MIR2052HG: variants seen among roughly 807,000 people sequenced by gnomAD.
The protein encoded by MIR2052HG is MIR2052 host gene.
At chr8:74,753,317 G>C (rs1334986523) in intron 5 of MIR2052HG, among the ~76,000 whole-genome samples, 1 of 152,148 alleles carries the variant, frequency 6.6e-6, no homozygotes, top group Non-Finnish European at 1.5e-5. Flanking sequence ...AGTCTTTGTT[G>C]CTAATATGTT....
At chr8:74,716,048 A>T (rs1225666153) in intron 4 of MIR2052HG, among the ~76,000 whole-genome samples, 2 of 152,228 alleles carry the variant, frequency 1.3e-5, no homozygotes, top group Non-Finnish European at 2.9e-5. Flanking sequence ...AAGCTCTGGT[A>T]GGAGGACGGG....
exon 5 of MIR2052HG, chr8:74,752,510 A>G: frequency 2.2e-6 from 1 of 455,892 alleles, no homozygotes; most frequent in Non-Finnish European, 4.4e-6. Context: ...GGCTACCCAG[A>G]GTTCCTGAAG....
chr8:74,630,938 A>G (rs1176933912), intron 2 of MIR2052HG, among the ~76,000 whole-genome samples: 2 of 152,202 alleles, frequency 1.3e-5, no homozygotes, highest in African/African-American at 4.8e-5. Context: ...GCCCAGCTTC[A>G]TATATTTATT....
chr8:74,713,253 G>T (rs1338477108), intron 4 of MIR2052HG, among the ~76,000 whole-genome samples: 1 of 152,136 alleles, frequency 6.6e-6, no homozygotes, highest in East Asian at 1.9e-4. Flanking sequence ...TCTTGAATTT[G>T]TTCACTCTCT....
chr8:74,611,734 G>A (rs1808198923), intron 1 of MIR2052HG, among the ~76,000 whole-genome samples: 1 of 152,090 alleles, frequency 6.6e-6, no homozygotes, highest in South Asian at 2.1e-4. Context: ...TCATTTATCT[G>A]TTCCCTCAGC....
intron 2 of MIR2052HG, among the ~76,000 whole-genome samples, chr8:74,637,280 A>G (rs1000872738): frequency 3.9e-5 from 6 of 152,154 alleles, no homozygotes; most frequent in Admixed American, 2.0e-4. Context: ...TAGGGTGTAC[A>G]TGGAAAAGAG....
intron 2 of MIR2052HG, among the ~76,000 whole-genome samples, chr8:74,694,619 C>T (rs1405266890): frequency 6.6e-6 from 1 of 152,072 alleles, no homozygotes; most frequent in Non-Finnish European, 1.5e-5. Flanking sequence ...GAAAAATCTC[C>T]AGAGAAATAG....
rs140363129 is a variant in MIR2052HG, at chr8:74,670,461, A to G, written n.217-31918A>G. On this transcript the variant is annotated intron_variant and non_coding_transcript_variant, in intron 2 of 6. Coordinates refer to ENST00000523442, the Ensembl canonical transcript of MIR2052HG. ...GTTGAAGTATGAAATATCTCTTTAA[A>G]TTTATAAAATAGTGAGAGAAATACT... Among the ~76,000 whole-genome samples the G allele has an allele frequency of 1.6e-4, 25 of 152,324 alleles. No individual in the cohort carries two copies. The East Asian group carries it at 2.9e-3, about 18-fold the overall frequency.
At chr8:74,744,719 C>T (rs1273093279) in intron 4 of MIR2052HG, among the ~76,000 whole-genome samples, 2 of 152,232 alleles carry the variant, frequency 1.3e-5, no homozygotes, top group Non-Finnish European at 2.9e-5. Context: ...TTAATCCAGT[C>T]TATCATTGTT....
rs114682261 is a variant in MIR2052HG at position 74,607,231 on chromosome 8, A to G, written n.129-5622A>G. On this transcript the variant is annotated intron_variant and non_coding_transcript_variant, in intron 1 of 6. Transcript: ENST00000523442. The stretch of plus-strand genomic sequence containing the variant: ...ACATAAAAATAATAGTAGCTATAAG[A>G]TAATTAATTCACAATAATAAAGGGA... Among the ~76,000 whole-genome samples, 1,213 of 152,352 alleles carry G rather than the reference A, an allele frequency of 8.0e-3. 21 individuals carry two copies. Among genetic ancestry groups the G allele is most frequent in the African/African-American group, 0.028 (1,146 of 41,582 alleles).
In MIR2052HG at chr8:74,610,682, A is replaced by G. The variant is rs190848790; in HGVS notation, n.129-2171A>G. On this transcript the variant is annotated intron_variant and non_coding_transcript_variant, in intron 1 of 6. Transcript: ENST00000523442. ...GATGAGTTCAGAAATATACTCACAC[A>G]TGTACAGTTAATTGATTTTTGACAA... 6.5e-4 allele frequency among the ~76,000 whole-genome samples: 99 copies of G among 152,160 alleles called. No homozygotes were observed. The Middle Eastern group carries it at 0.014, about 21-fold the overall frequency.
intron 2 of MIR2052HG, among the ~76,000 whole-genome samples, chr8:74,674,594 T>A (rs577056726): frequency 6.6e-6 from 1 of 152,020 alleles, no homozygotes; most frequent in South Asian, 2.1e-4. Context: ...TTGTCTTTAC[T>A]CTTCCCTACT....
intron 1 of MIR2052HG, among the ~76,000 whole-genome samples, chr8:74,610,589 T>C (rs1321046311): frequency 6.6e-6 from 1 of 151,766 alleles, no homozygotes; most frequent in East Asian, 1.9e-4. Flanking sequence ...TTACATTTCC[T>C]GCCTTCAAAA....
chr8:74,622,806 A>C (rs984712498), intron 2 of MIR2052HG, among the ~76,000 whole-genome samples: 1 of 149,160 alleles, frequency 6.7e-6, no homozygotes, highest in African/African-American at 2.5e-5. Flanking sequence ...AGTACAGTAC[A>C]GTCATTATGA....
intron 1 of MIR2052HG, chr8:74,603,188 C>T: frequency 2.2e-6 from 2 of 907,386 alleles, no homozygotes; most frequent in African/African-American, 3.3e-5. Context: ...AATTTACAAA[C>T]TATTTAAAAC....
chr8:74,602,797 G>A (rs1275199261), intron 1 of MIR2052HG, among the ~76,000 whole-genome samples: 2 of 74,550 alleles, frequency 2.7e-5, no homozygotes, highest in East Asian at 7.5e-4. Flanking sequence ...TTATGGATGT[G>A]AGCTGCCATG....
chr8:74,715,192 C>T (rs1263097978), intron 4 of MIR2052HG, among the ~76,000 whole-genome samples: 1 of 152,050 alleles, frequency 6.6e-6, no homozygotes, highest in Non-Finnish European at 1.5e-5. Context: ...ATGAAAAAAA[C>T]TGATGACTAA....
intron 4 of MIR2052HG, among the ~76,000 whole-genome samples, chr8:74,717,613 T>C (rs1475556225): frequency 1.3e-5 from 2 of 152,000 alleles, no homozygotes; most frequent in Non-Finnish European, 2.9e-5. Flanking sequence ...ATGCCAGGAA[T>C]TCAAGACCAG....
intron 2 of MIR2052HG, among the ~76,000 whole-genome samples, chr8:74,620,438 C>T (rs1462587343): frequency 6.6e-6 from 1 of 152,254 alleles, no homozygotes; most frequent in Non-Finnish European, 1.5e-5. Flanking sequence ...TCCATGAGGG[C>T]TCTGCCCCTG....
Sources: gnomAD v4.1 joint callset for allele counts (sites outside exome capture counted in the v4.1 genomes callset) on GRCh38, gnomAD v4.1.1 for gene constraint, MANE v1.5 for transcripts, NCBI Gene and HGNC (gene_info 2026-07-23, HGNC 2026-07-21) for gene names.